Variants in DMD observed in about 807,000 individuals in gnomAD.
DMD encodes the protein mutant dystrophin.
Under a neutral mutation model 330.1 loss-of-function variants are expected in DMD, and 63 were observed. The observed-to-expected ratio is 0.19, with a 90% confidence interval of 0.16 to 0.24. The LOEUF (loss-of-function observed/expected upper bound fraction) is 0.24, where lower values mean the gene tolerates loss of function less well. Ranked by LOEUF, DMD falls within the 10% of genes least tolerant of loss-of-function variation. The pLI is 1.00. For synonymous variants in DMD, 1,223 were observed against 959.8 expected (o/e 1.27, Z -5.07); for missense variants, 3,344 against 2,684.1 (o/e 1.25, Z -5.43).
chrX:32,465,953 T>C (rs2039981878), intron 23 of DMD, among the ~76,000 whole-genome samples: 1 of 111,596 alleles, frequency 9.0e-6, no homozygotes, highest in Admixed American at 9.5e-5. Context: ...TCTCACCTCA[T>C]TCTAATTACT....
rs560750947 is a variant in DMD, at chrX:32,220,035, C to T, written c.6291-2972G>A. On this transcript the variant is annotated intron_variant, in intron 43 of 78. Coordinates refer to ENST00000357033, the MANE Select transcript of DMD (RefSeq NM_004006.3). Reference sequence around the variant, plus strand: ...GGTTCATACACTTGCTCATGGTATCCGTAGCTCTGTAAGACAGAGCTGGAG... The same window carrying T: ...GGTTCATACACTTGCTCATGGTATCTGTAGCTCTGTAAGACAGAGCTGGAG... Among the ~76,000 whole-genome samples the T allele has an allele frequency of 3.6e-5, 4 of 111,540 alleles. No homozygotes were observed. The South Asian group carries it at 1.1e-3, about 31-fold the overall frequency.
intron 41 of DMD, among the ~76,000 whole-genome samples, chrX:32,340,690 G>A (rs1488183885): frequency 8.9e-6 from 1 of 111,876 alleles, no homozygotes; most frequent in African/African-American, 3.2e-5. Context: ...TTAAATTGAG[G>A]TGAAACTATT....
At chrX:32,809,694 A>T in intron 6 of DMD, 83 bp from the exon 7 acceptor site, 1 of 827,551 alleles carries the variant, frequency 1.2e-6, no homozygotes, top group Non-Finnish European at 1.8e-6. Flanking sequence ...TTCCATGCTT[A>T]ATTTTCATTG....
intron 2 of DMD, among the ~76,000 whole-genome samples, chrX:32,897,094 C>T (rs1032406561): frequency 3.7e-5 from 3 of 80,560 alleles, no homozygotes; most frequent in Non-Finnish European, 7.4e-5. Context: ...GCATTTTATG[C>T]GTTTTTTTTA....
At chrX:32,181,873 T>A (rs1411190472) in intron 44 of DMD, among the ~76,000 whole-genome samples, 1 of 112,315 alleles carries the variant, frequency 8.9e-6, no homozygotes, top group Non-Finnish European at 1.9e-5. Context: ...TTGAAATACA[T>A]CCCACCTTTC....
At chrX:32,373,857 C>T (rs767011681) in intron 34 of DMD, among the ~76,000 whole-genome samples, 1 of 111,845 alleles carries the variant, frequency 8.9e-6, no homozygotes, top group South Asian at 3.8e-4. Flanking sequence ...CCCATGGTAA[C>T]ATTAATCCTC....
intron 7 of DMD, among the ~76,000 whole-genome samples, chrX:32,727,134 C>T (rs1441741547): frequency 2.7e-5 from 3 of 110,789 alleles, no homozygotes; most frequent in African/African-American, 6.5e-5. Flanking sequence ...TTATAATAGA[C>T]TAGCAAAAAA....
chrX:32,543,620 T>C (rs2048693977), intron 17 of DMD, among the ~76,000 whole-genome samples: 1 of 112,323 alleles, frequency 8.9e-6, no homozygotes, highest in African/African-American at 3.2e-5. Flanking sequence ...TTACTAGGAA[T>C]AATAAAAGAA....
intron 44 of DMD, among the ~76,000 whole-genome samples, chrX:32,022,390 G>A (rs184065645): frequency 8.9e-6 from 1 of 111,863 alleles, no homozygotes; most frequent in Non-Finnish European, 1.9e-5. Context: ...CTCCTTTGTG[G>A]AACTCAATCT....
At chrX:31,364,071 C>T (rs755529492) in intron 60 of DMD, among the ~76,000 whole-genome samples, 17 of 112,832 alleles carry the variant, frequency 1.5e-4, no homozygotes, top group Non-Finnish European at 2.8e-4. Flanking sequence ...TTCAGTATTC[C>T]TCTAATTGGC....
intron 2 of DMD, among the ~76,000 whole-genome samples, chrX:32,956,302 A>G (rs1214885477): frequency 8.9e-6 from 1 of 112,190 alleles, no homozygotes; most frequent in Non-Finnish European, 1.9e-5. Flanking sequence ...ATCCATGAAC[A>G]TGGAATGTTT....
At chrX:31,303,593 A>T (rs764770061) in intron 62 of DMD, among the ~76,000 whole-genome samples, 1 of 111,457 alleles carries the variant, frequency 9.0e-6, no homozygotes, top group Admixed American at 9.6e-5. Flanking sequence ...CTTTCTCACC[A>T]TATCCAAACT....
rs188465969 is a variant in DMD, at chrX:32,838,289, G to A, written c.264+6494C>T. On this transcript the variant is annotated intron_variant, in intron 4 of 78. Coordinates refer to ENST00000357033, the MANE Select transcript of DMD (RefSeq NM_004006.3). Reference sequence around the variant, plus strand: ...TTTTTATTATTCTTTAAGTTCTGGGGTACATGTGCAGGTTTGTTACATAGT... The same window carrying A: ...TTTTTATTATTCTTTAAGTTCTGGGATACATGTGCAGGTTTGTTACATAGT... 7.3e-3 allele frequency among the ~76,000 whole-genome samples: 807 copies of A among 110,638 alleles called. 6 individuals are homozygous for A. Among genetic ancestry groups the A allele is most frequent in the Middle Eastern group, 0.018 (4 of 219 alleles).
chrX:32,259,548 A>G (rs1373500936), intron 43 of DMD, among the ~76,000 whole-genome samples: 1 of 105,572 alleles, frequency 9.5e-6, no homozygotes, highest in Non-Finnish European at 2.0e-5. Context: ...GGGATTTGAT[A>G]TTATTATATT....
intron 68 of DMD, 39 bp from the exon 69 acceptor site, chrX:31,180,520 G>C: frequency 1.1e-6 from 1 of 899,961 alleles, no homozygotes; most frequent in Non-Finnish European, 1.6e-6. Flanking sequence ...GTATTTCTTC[G>C]AATCAAATTC....
chrX:31,476,414 T>C (rs868303398), intron 59 of DMD, among the ~76,000 whole-genome samples: 111 of 98,278 alleles, frequency 1.1e-3, no homozygotes, highest in African/African-American at 3.6e-3. Context: ...TATATATATA[T>C]ATATATACAC....
chrX:32,155,521 G>A, intron 44 of DMD: 5 of 607,367 alleles, frequency 8.2e-6, no homozygotes, highest in Non-Finnish European at 9.9e-6. Context: ...AACTTTGTGT[G>A]TAGCAAAGGC....
intron 2 of DMD, among the ~76,000 whole-genome samples, chrX:32,859,537 AAAT>A (rs1159171336): frequency 9.1e-6 from 1 of 109,885 alleles, no homozygotes; most frequent in East Asian, 2.9e-4. Flanking sequence ...GATAATATAA[AAAT>A]ATTATATTAG....
chrX:32,791,404 G>A (rs1297218176), intron 7 of DMD, among the ~76,000 whole-genome samples: 2 of 111,734 alleles, frequency 1.8e-5, no homozygotes, highest in East Asian at 5.7e-4. Flanking sequence ...CCTGAGGACA[G>A]GCACGCTCAA....
Sources: gnomAD v4.1 joint callset for allele counts (sites outside exome capture counted in the v4.1 genomes callset) on GRCh38, gnomAD v4.1.1 for gene constraint, MANE v1.5 for transcripts, NCBI Gene and HGNC (gene_info 2026-07-23, HGNC 2026-07-21) for gene names.